Variants in NME7 observed in about 807,000 individuals in gnomAD.
NME7 encodes the protein nucleoside diphosphate kinase 7.
In NME7, 41 loss-of-function variants were observed where a neutral mutation model predicts 49.1. The observed-to-expected ratio is 0.83, with a 90% CI of 0.65 to 1.08. The LOEUF (loss-of-function observed/expected upper bound fraction) is 1.08. Among genes scored for constraint, NME7 ranks in the 50% least tolerant of loss-of-function variants. NME7 has a pLI of 0.00. For synonymous variants in NME7, 139 were observed against 150.6 expected (o/e 0.92, Z 0.56); for missense variants, 423 against 463.4 (o/e 0.91, Z 0.80).
intron 1 of NME7, among the ~76,000 whole-genome samples, chr1:169,359,079 G>A (rs1653560660): frequency 6.6e-6 from 1 of 152,038 alleles, no homozygotes; most frequent in Admixed American, 6.6e-5. Context: ...ATTGGTTCCA[G>A]GACTCCTACA....
chr1:169,290,633 G>A (rs896384020), intron 6 of NME7, among the ~76,000 whole-genome samples: 2 of 152,192 alleles, frequency 1.3e-5, no homozygotes, highest in East Asian at 1.9e-4. Flanking sequence ...AAGACCAAAA[G>A]CAATGGCAAC....
intron 11 of NME7, among the ~76,000 whole-genome samples, chr1:169,135,495 CTA>C (rs1432692323): frequency 1.3e-5 from 2 of 152,148 alleles, no homozygotes; most frequent in Non-Finnish European, 2.9e-5. Flanking sequence ...CAGAGGGAAA[CTA>C]TCCAAGGAAC....
intron 10 of NME7, among the ~76,000 whole-genome samples, chr1:169,175,010 A>C (rs1456057928): frequency 6.6e-6 from 1 of 151,802 alleles, no homozygotes; most frequent in African/African-American, 2.4e-5. Flanking sequence ...GTATTTTTTA[A>C]CTTTTTTTGA....
chr1:169,197,551 A>C (rs1660424054), intron 10 of NME7, among the ~76,000 whole-genome samples: 1 of 152,166 alleles, frequency 6.6e-6, no homozygotes. Flanking sequence ...CTCAGAAATA[A>C]ATATATACAT....
At chr1:169,282,062 T>C (rs1650040977) in intron 7 of NME7, among the ~76,000 whole-genome samples, 2 of 152,212 alleles carry the variant, frequency 1.3e-5, no homozygotes, top group South Asian at 4.1e-4. Flanking sequence ...AATTTGGCTG[T>C]GAATCTGTCT....
At chr1:169,132,864 C>T in intron 11 of NME7, 47 bp from the exon 12 acceptor site, 1 of 1,558,654 alleles carries the variant, frequency 6.4e-7, no homozygotes, top group Non-Finnish European at 8.8e-7. Flanking sequence ...AAATTTTGGT[C>T]TTTTCCACTT....
intron 10 of NME7, among the ~76,000 whole-genome samples, chr1:169,212,644 C>T (rs967187536): frequency 8.8e-5 from 13 of 147,330 alleles, no homozygotes; most frequent in Non-Finnish European, 1.6e-4. Flanking sequence ...CTCTGTTGCC[C>T]TAGCTGGAGT....
chr1:169,245,421 T>A (rs1214458087), intron 7 of NME7, among the ~76,000 whole-genome samples: 1 of 152,112 alleles, frequency 6.6e-6, no homozygotes, highest in African/African-American at 2.4e-5. Flanking sequence ...TAATTCACTA[T>A]CACCTGTATG....
intron 10 of NME7, among the ~76,000 whole-genome samples, chr1:169,188,711 A>T (rs1660142288): frequency 6.6e-6 from 1 of 152,212 alleles, no homozygotes; most frequent in Non-Finnish European, 1.5e-5. Flanking sequence ...CAACAAACAC[A>T]TCTTTTCCTT....
intron 10 of NME7, 94 bp downstream of exon 10, chr1:169,230,624 T>A (rs1357698275): frequency 7.0e-6 from 4 of 568,456 alleles, no homozygotes; most frequent in Non-Finnish European, 1.2e-5. Context: ...CATTTTTACA[T>A]TATTTACTTA....
intron 5 of NME7, chr1:169,302,475 G>A (rs1255290036): frequency 1.3e-5 from 2 of 152,252 alleles, no homozygotes; most frequent in African/African-American, 4.8e-5. Flanking sequence ...GGAGATGGAG[G>A]CCATTATCCT....
intron 10 of NME7, among the ~76,000 whole-genome samples, chr1:169,205,014 T>C (rs1040074829): frequency 6.6e-6 from 1 of 152,126 alleles, no homozygotes; most frequent in Non-Finnish European, 1.5e-5. Flanking sequence ...TATAAGATTA[T>C]TCTATAAGAC....
At chr1:169,163,907 A>G (rs988064958) in intron 11 of NME7, among the ~76,000 whole-genome samples, 3 of 152,078 alleles carry the variant, frequency 2.0e-5, no homozygotes, top group Non-Finnish European at 4.4e-5. Context: ...TCAGGCGATC[A>G]AGACCATCCT....
chr1:169,243,648 A>AGAGAGAGTG (rs2101835916), intron 7 of NME7, among the ~76,000 whole-genome samples: 1 of 152,312 alleles, frequency 6.6e-6, no homozygotes, highest in East Asian at 1.9e-4. Context: ...TCACCATGTA[A>AGAGAGAGTG]AGGCACAGTG....
At chr1:169,177,539 C>A (rs1659788566) in intron 10 of NME7, among the ~76,000 whole-genome samples, 1 of 152,110 alleles carries the variant, frequency 6.6e-6, no homozygotes. Flanking sequence ...ATAACCCCAG[C>A]ACTTTGGGAG....
At chr1:169,170,906 A>G (rs58585501) in intron 10 of NME7, among the ~76,000 whole-genome samples, 20,390 of 151,712 alleles carry the variant, frequency 0.13, 1,516 homozygotes, top group African/African-American at 0.2. Context: ...AGCCTGGACG[A>G]CAGATCAGAC....
chr1:169,176,657 G>C (rs1470546881), intron 10 of NME7, among the ~76,000 whole-genome samples: 2 of 152,162 alleles, frequency 1.3e-5, no homozygotes, highest in East Asian at 3.9e-4. Context: ...GCCAACAATA[G>C]GAACTGGCTG....
At chr1:169,148,454 G>C (rs1222617735) in intron 11 of NME7, among the ~76,000 whole-genome samples, 1 of 151,030 alleles carries the variant, frequency 6.6e-6, no homozygotes, top group Non-Finnish European at 1.5e-5. Context: ...AAGAACAGTA[G>C]TAGGTTTAAC....
intron 7 of NME7, among the ~76,000 whole-genome samples, chr1:169,255,466 TGA>T (rs1423671553): frequency 2.5e-5 from 3 of 118,738 alleles, no homozygotes; most frequent in African/African-American, 8.9e-5. Context: ...TCTCTGCACG[TGA>T]GATGGGTTTC....
Sources: gnomAD v4.1 joint callset for allele counts (sites outside exome capture counted in the v4.1 genomes callset) on GRCh38, gnomAD v4.1.1 for gene constraint, MANE v1.5 for transcripts, NCBI Gene and HGNC (gene_info 2026-07-23, HGNC 2026-07-21) for gene names.